RASAL2: variants seen among roughly 807,000 people sequenced by gnomAD.
The protein encoded by RASAL2 is ras GTPase-activating protein nGAP.
Under a neutral mutation model 128.9 loss-of-function variants are expected in RASAL2, and 58 were observed. That is an observed-to-expected ratio of 0.45 (90% CI 0.36 to 0.56). The LOEUF is 0.56. Among genes scored for constraint, RASAL2 ranks in the 20% least tolerant of loss-of-function variants. The probability of loss-of-function intolerance (pLI) is 0.00; values close to 1 mark genes in which losing one functional copy is unlikely to be tolerated. For missense variants in RASAL2, 1,360 were observed against 1,601.6 expected (o/e 0.85, Z 2.57); for synonymous variants, 561 against 580.8 (o/e 0.97, Z 0.49).
rs575824912 is a variant in RASAL2 at position 178,189,586 on chromosome 1, C to T, written c.203-93978C>T. Among the ~76,000 whole-genome samples the T allele has an allele frequency of 5.3e-5, 8 of 152,166 alleles. No individual in the cohort carries two copies. In the South Asian group the frequency reaches 1.2e-3, roughly 24 times the overall value. On this transcript the variant is annotated intron_variant, in intron 1 of 17. Coordinates refer to ENST00000367649, the MANE Select transcript of RASAL2 (RefSeq NM_170692.4). Reference sequence around the variant, plus strand: ...GATTATATCTAGTTTATAAATGGCACGAATATGTTCTACACAACCCAATGA... The same window carrying T: ...GATTATATCTAGTTTATAAATGGCATGAATATGTTCTACACAACCCAATGA...
intron 1 of RASAL2, among the ~76,000 whole-genome samples, chr1:178,190,407 ATTTG>A (rs1226555399): frequency 6.6e-6 from 1 of 152,142 alleles, no homozygotes; most frequent in East Asian, 1.9e-4. Flanking sequence ...TATCTAAAAT[ATTTG>A]TTTGTGGTTT....
At chr1:178,113,511 AGTGTGTGTGTGTGTGT>A (rs61642582) in intron 1 of RASAL2, among the ~76,000 whole-genome samples, 4,969 of 122,280 alleles carry the variant, frequency 0.041, 106 homozygotes, top group Non-Finnish European at 0.054. Context: ...CATGCCTGCG[AGTGTGTGTGTGTGTGT>A]GTGTGTGTGT....
In RASAL2 at chr1:178,300,088, G is replaced by A. The variant is rs574655874; in HGVS notation, c.427G>A (p.Glu143Lys). 3.3e-5 allele frequency: 54 copies of A among 1,613,768 alleles called. No individual in the cohort carries two copies. The South Asian group carries it at 4.9e-4, about 15-fold the overall frequency. The stretch of plus-strand genomic sequence containing the variant: ...TGTCCCTTCCGAGGGTCAGTTTCCC[G>A]AGTACCCACCAGAGGGCGCCACTAA... ...VSVPSEGQFP[E>K]YPPEGATKLE... Residue 143 changes from glutamate to lysine, a missense_variant, in exon 3 of 18, where the codon GAG becomes AAG. Physicochemically the swap from Glu to Lys is moderately conservative, Grantham distance 56. Transcript: ENST00000367649.
intron 8 of RASAL2, among the ~76,000 whole-genome samples, chr1:178,444,709 G>C (rs1476019483): frequency 6.6e-6 from 1 of 152,082 alleles, no homozygotes; most frequent in African/African-American, 2.4e-5. Context: ...ATGGATGGGT[G>C]GGCGGGCAGA....
chr1:178,106,550 T>G (rs1012695325), intron 1 of RASAL2, among the ~76,000 whole-genome samples: 5 of 152,248 alleles, frequency 3.3e-5, no homozygotes, highest in South Asian at 2.1e-4. Context: ...ACGAAAGATA[T>G]GTTGTAATGT....
intron 4 of RASAL2, among the ~76,000 whole-genome samples, chr1:178,403,469 A>G (rs1342053953): frequency 6.6e-6 from 1 of 152,210 alleles, no homozygotes; most frequent in Non-Finnish European, 1.5e-5. Context: ...TAGGAACAGA[A>G]TTAATTATAG....
chr1:178,371,333 C>T (rs1159848858), intron 3 of RASAL2, among the ~76,000 whole-genome samples: 1 of 133,536 alleles, frequency 7.5e-6, no homozygotes, highest in African/African-American at 3.0e-5. Context: ...CACACACACA[C>T]ACACACACAC....
chr1:178,347,078 CCAAA>C (rs1670191424), intron 3 of RASAL2, among the ~76,000 whole-genome samples: 1 of 151,946 alleles, frequency 6.6e-6, no homozygotes, highest in Admixed American at 6.6e-5. Flanking sequence ...AAAGGAATAT[CCAAA>C]CAATGATTTA....
intron 3 of RASAL2, among the ~76,000 whole-genome samples, chr1:178,333,632 A>G (rs1230234262): frequency 1.3e-5 from 2 of 152,230 alleles, no homozygotes; most frequent in South Asian, 2.1e-4. Context: ...AATGAGTTCA[A>G]AAACCCAAGC....
At chr1:178,331,839 G>A (rs541383652) in intron 3 of RASAL2, among the ~76,000 whole-genome samples, 1 of 151,772 alleles carries the variant, frequency 6.6e-6, no homozygotes, top group East Asian at 1.9e-4. Context: ...CGCCTGCCTC[G>A]GCCTCCCAAA....
chr1:178,285,918 A>G (rs914072682), intron 2 of RASAL2, among the ~76,000 whole-genome samples: 1 of 152,250 alleles, frequency 6.6e-6, no homozygotes, highest in Non-Finnish European at 1.5e-5. Flanking sequence ...CAATTGAGTT[A>G]CCTGCGCTTG....
intron 1 of RASAL2, among the ~76,000 whole-genome samples, chr1:178,118,533 AG>A (rs1659599395): frequency 6.6e-6 from 1 of 152,194 alleles, no homozygotes; most frequent in Non-Finnish European, 1.5e-5. Context: ...CACCTGGCTT[AG>A]TCACAAATGG....
At chr1:178,250,135 T>C (rs1312496771) in intron 1 of RASAL2, among the ~76,000 whole-genome samples, 1 of 152,166 alleles carries the variant, frequency 6.6e-6, no homozygotes, top group African/African-American at 2.4e-5. Context: ...TCTTCAGAGC[T>C]AGTAAGCTGG....
chr1:178,458,355 C>T lies in RASAL2; in HGVS notation c.3063C>T (p.Ala1021=). ...IRKVDQGGLG[A]RAKAPPSLPH... is the part of the protein sequence containing the mutation. ...AAGTGGACCAGGGTGGGTTAGGTGCCCGAGCCAAAGCCCCACCATCCCTGC... is the reference window on the plus strand; with the variant it reads ...AAGTGGACCAGGGTGGGTTAGGTGCTCGAGCCAAAGCCCCACCATCCCTGC... The change falls in exon 14 of 18, where the codon GCC becomes GCT. Residue 1021 remains alanine, a synonymous_variant. Transcript: ENST00000367649. 3.7e-6 allele frequency: 6 copies of T among 1,614,224 alleles called. No homozygotes were observed. The highest frequency in any genetic ancestry group is 1.1e-5 in the South Asian group (1 of 91,082).
At chr1:178,210,433 G>A (rs548552105) in intron 1 of RASAL2, among the ~76,000 whole-genome samples, 2 of 152,260 alleles carry the variant, frequency 1.3e-5, no homozygotes, top group East Asian at 3.9e-4. Context: ...ATCTTTGATT[G>A]TGTGTTGAAC....
chr1:178,146,461 A>G (rs1660734098), intron 1 of RASAL2, among the ~76,000 whole-genome samples: 1 of 152,232 alleles, frequency 6.6e-6, no homozygotes, highest in South Asian at 2.1e-4. Context: ...TGGGATATAT[A>G]AATTATTCCA....
intron 4 of RASAL2, among the ~76,000 whole-genome samples, chr1:178,420,202 T>G (rs947427404): frequency 6.6e-6 from 1 of 152,160 alleles, no homozygotes; most frequent in Non-Finnish European, 1.5e-5. Flanking sequence ...TATGTTATAT[T>G]GTTGTGCTTT....
At chr1:178,134,896 A>G (rs1411324745) in intron 1 of RASAL2, among the ~76,000 whole-genome samples, 3 of 152,210 alleles carry the variant, frequency 2.0e-5, no homozygotes, top group Non-Finnish European at 4.4e-5. Context: ...TTTTTGGGAT[A>G]CGCAAGGCAT....
intron 3 of RASAL2, among the ~76,000 whole-genome samples, chr1:178,356,556 T>C (rs1670822113): frequency 6.6e-6 from 1 of 152,132 alleles, no homozygotes; most frequent in Admixed American, 6.5e-5. Flanking sequence ...CTTTAAAATA[T>C]AATATTTAGT....
Sources: allele counts gnomAD v4.1 joint callset (sites outside exome capture counted in the v4.1 genomes callset), GRCh38; gene constraint gnomAD v4.1.1; transcripts MANE v1.5; gene names NCBI Gene and HGNC (gene_info 2026-07-23, HGNC 2026-07-21).